Variants in JMY observed in about 807,000 individuals in gnomAD.
JMY encodes the protein junction mediating and regulatory protein, p53 cofactor, also known as junction-mediating and -regulatory protein.
A neutral mutation model predicts 103.3 loss-of-function variants in JMY; 46 were observed. The observed-to-expected ratio is 0.45, with a 90% confidence interval of 0.35 to 0.57. JMY has a LOEUF of 0.57. JMY is among the 20% of genes least tolerant of loss of function. The pLI is 0.00. For synonymous variants in JMY, 526 were observed against 489.3 expected (o/e 1.07, Z -0.99); for missense variants, 1,238 against 1,255.2 (o/e 0.99, Z 0.21).
rs1293788814 is a variant in JMY at position 79,274,404 on chromosome 5, TTG to T, written c.1033-3504_1033-3503del. Among the ~76,000 whole-genome samples, 6 of 143,006 alleles carry T rather than the reference TTG, an allele frequency of 4.2e-5. No individual in the cohort carries two copies. In the South Asian group the frequency reaches 6.3e-4, roughly 15 times the overall value. The allele number at this position is 143,006 out of a possible 152,430, so 93.8% of individuals were successfully genotyped here. On this transcript the variant is annotated intron_variant, in intron 1 of 10. Coordinates refer to ENST00000396137, the MANE Select transcript of JMY (RefSeq NM_152405.5). Reference sequence around the variant, plus strand: ...CTTTTTTTAAAAATAGTGTTTTTTTTTGTTTGTTTGTTTGTTTTTAATTGAGA... The same window carrying T: ...CTTTTTTTAAAAATAGTGTTTTTTTTTTTGTTTGTTTGTTTTTAATTGAGA...
chr5:79,278,400 T>C (rs1561301419), intron 2 of JMY, among the ~76,000 whole-genome samples: 1 of 151,822 alleles, frequency 6.6e-6, no homozygotes, highest in Non-Finnish European at 1.5e-5. Context: ...CTTCCTCCTC[T>C]AGTCATGTCT....
chr5:79,303,229 A>T (rs1446012487), intron 6 of JMY, among the ~76,000 whole-genome samples: 2 of 152,096 alleles, frequency 1.3e-5, no homozygotes, highest in African/African-American at 4.8e-5. Context: ...GGTGATTTTT[A>T]AAATATTTTA....
chr5:79,268,240 GTCTA>G (rs1207220511), intron 1 of JMY, among the ~76,000 whole-genome samples: 1 of 152,090 alleles, frequency 6.6e-6, no homozygotes, highest in Non-Finnish European at 1.5e-5. Flanking sequence ...GATCCTGCCT[GTCTA>G]TCTCTCAGTC....
chr5:79,272,368 G>A (rs1051462054), intron 1 of JMY, among the ~76,000 whole-genome samples: 6 of 151,880 alleles, frequency 4.0e-5, no homozygotes, highest in Non-Finnish European at 8.8e-5. Context: ...TATAATTCTT[G>A]ACAAGGTTGG....
Position 79,323,591 on chromosome 5 carries a change from C to G in JMY, c.*1989C>G, listed in dbSNP as rs986757890. ...CAGTTTTTACGTACCCATGTGTCAACATTTCATATATCCAGTTCTTTGGGT... is the reference window on the plus strand; with the variant it reads ...CAGTTTTTACGTACCCATGTGTCAAGATTTCATATATCCAGTTCTTTGGGT... On this transcript the variant is annotated 3_prime_UTR_variant, in exon 11 of 11. Transcript: ENST00000396137. 4.6e-5 allele frequency: 7 copies of G among 152,300 alleles called. No individual in the cohort carries two copies. The highest frequency in any genetic ancestry group is 2.6e-4 in the Admixed American group (4 of 15,280). The allele number at this position is 152,300 out of a possible 1,614,324, so 9.4% of individuals were successfully genotyped here. A position where few individuals can be genotyped will look rare whatever the true frequency, so the allele number is the denominator to read the frequency against.
chr5:79,276,828 A>G (rs954484470), intron 1 of JMY, among the ~76,000 whole-genome samples: 2 of 151,746 alleles, frequency 1.3e-5, no homozygotes, highest in African/African-American at 4.8e-5. Flanking sequence ...GATCATTTCA[A>G]TTACTGGACC....
chr5:79,247,524 C>G (rs1744938325), intron 1 of JMY, among the ~76,000 whole-genome samples: 1 of 151,958 alleles, frequency 6.6e-6, no homozygotes, highest in South Asian at 2.1e-4. Context: ...ACCATGTTGC[C>G]CATGCGGGTC....
Position 79,320,404 on chromosome 5 carries a change from G to C in JMY, c.*4-1202G>C, listed in dbSNP as rs1384974709. On this transcript the variant is annotated intron_variant, in intron 10 of 10. Transcript: ENST00000396137. ...AGCCAGGCTGGAGTGCAGTGGCGCC[G>C]TATTTGGCTCGCTGCAATCTCCATC... is the stretch of plus-strand genomic sequence containing the variant. Among the ~76,000 whole-genome samples, 3 of 151,286 alleles carry C rather than the reference G, an allele frequency of 2.0e-5. No homozygotes were observed. The East Asian group carries it at 5.8e-4, about 29-fold the overall frequency.
intron 1 of JMY, among the ~76,000 whole-genome samples, chr5:79,268,740 G>A (rs1045997676): frequency 7.9e-5 from 12 of 152,052 alleles, no homozygotes; most frequent in East Asian, 1.9e-4. Context: ...CACCCGCCTC[G>A]GCTTCCCAAA....
In JMY at chr5:79,322,570, A is replaced by G. The variant is rs886725046; in HGVS notation, c.*968A>G. ...TGAAAAGCATGTGCTCTACAAAGAT[A>G]GAAAGTAGAGACAAGTCTCCGTGGC... On this transcript the variant is annotated 3_prime_UTR_variant, in exon 11 of 11. Coordinates refer to ENST00000396137, the MANE Select transcript of JMY (RefSeq NM_152405.5). 6.6e-6 allele frequency: 1 copy of G among 152,224 alleles called. No individual in the cohort carries two copies. The highest frequency in any genetic ancestry group is 1.5e-5 in the Non-Finnish European group (1 of 68,032). 9.4% of individuals were successfully genotyped at this position (152,224 alleles called of 1,614,324 possible). A position where few individuals can be genotyped will look rare whatever the true frequency, so the allele number is the denominator to read the frequency against.
In JMY at chr5:79,322,456, A is replaced by C. The variant is rs1173130952; in HGVS notation, c.*854A>C. ...TGACTGACATGACTTTCCTATTGAG[A>C]ATCAAAAATCAAGATTCAATCATAG... On this transcript the variant is annotated 3_prime_UTR_variant, in exon 11 of 11. Transcript: ENST00000396137. 1.3e-5 allele frequency: 2 copies of C among 152,212 alleles called. No homozygotes were observed. The highest frequency in any genetic ancestry group is 4.8e-5 in the African/African-American group (2 of 41,452). The allele number at this position is 152,212 out of a possible 1,614,324, so 9.4% of individuals were successfully genotyped here.
intron 4 of JMY, among the ~76,000 whole-genome samples, chr5:79,298,003 C>T (rs780714528): frequency 1.7e-4 from 26 of 152,300 alleles, no homozygotes; most frequent in Middle Eastern, 3.4e-3. Context: ...GTACTGTTCT[C>T]TTTGTGGTTG....
At chr5:79,300,910 C>T (rs765325995) in intron 6 of JMY, 47 bp downstream of exon 6, 14 of 1,437,824 alleles carry the variant, frequency 9.7e-6, no homozygotes, top group Non-Finnish European at 1.2e-5. Flanking sequence ...TTATCCGTAT[C>T]TACTAATCTC....
intron 1 of JMY, among the ~76,000 whole-genome samples, chr5:79,276,141 T>C (rs914273130): frequency 6.6e-6 from 1 of 152,124 alleles, no homozygotes. Flanking sequence ...CCTTTTGAGA[T>C]GGAGTCTCAC....
chr5:79,236,911 G>A lies in JMY; in HGVS notation c.261G>A (p.Arg87=). Residue 87 remains arginine (R), a synonymous_variant, in exon 1 of 11, where the codon AGG becomes AGA. Transcript: ENST00000396137. The part of the protein sequence containing the change: ...GSRGPGSPAG[R]GRPEATASAT... ...GCGGGCCCGGCAGCCCGGCGGGCAG[G>A]GGTCGGCCCGAGGCCACTGCCTCTG... 1 of 1,359,188 alleles carries A rather than the reference G, an allele frequency of 7.4e-7. No homozygotes were observed. Among genetic ancestry groups the A allele is most frequent in the African/African-American group, 1.5e-5 (1 of 65,126 alleles). The allele number at this position is 1,359,188 out of a possible 1,614,324, so 84.2% of individuals were successfully genotyped here. A position where few individuals can be genotyped will look rare whatever the true frequency, so the allele number is the denominator to read the frequency against.
Position 79,284,080 on chromosome 5 carries a change from A to T in JMY, c.1206+5997A>T, listed in dbSNP as rs1273587003. On this transcript the variant is annotated intron_variant, in intron 2 of 10. Coordinates refer to ENST00000396137, the MANE Select transcript of JMY (RefSeq NM_152405.5). The stretch of plus-strand genomic sequence containing the variant: ...TTTTTTATTTTTTTATTTTATTTTT[A>T]TTTTTTTTCACAAATAGCACTTTTT... 13 of 1,148,280 alleles carry T rather than the reference A, an allele frequency of 1.1e-5. No individual in the cohort carries two copies. In the East Asian group the frequency reaches 1.6e-4, roughly 14 times the overall value. 71.1% of individuals were successfully genotyped at this position (1,148,280 alleles called of 1,614,324 possible). A position where few individuals can be genotyped will look rare whatever the true frequency, so the allele number is the denominator to read the frequency against.
intron 1 of JMY, among the ~76,000 whole-genome samples, chr5:79,261,574 G>T (rs919719478): frequency 1.3e-5 from 2 of 151,990 alleles, no homozygotes; most frequent in African/African-American, 4.8e-5. Flanking sequence ...ATAAAGTGCA[G>T]ATTCACTGGG....
At chr5:79,314,924 T>C in intron 9 of JMY, 73 bp downstream of exon 9, 1 of 1,368,272 alleles carries the variant, frequency 7.3e-7, no homozygotes, top group South Asian at 1.5e-5. Context: ...TTTTTTGACG[T>C]TGCAAAGCTT....
chr5:79,316,288 G>C lies in JMY; in HGVS notation c.2948G>C (p.Cys983Ser), dbSNP rs1747216296. The C allele has an allele frequency of 6.2e-7, 1 of 1,610,708 alleles. No individual in the cohort carries two copies. The highest frequency in any genetic ancestry group is 1.3e-5 in the African/African-American group (1 of 74,828). ...GAGGACGAAGAGGAGGCTTTACCTT[G>C]CACAGACTGGGAGAACTAACAAGTA... ...ESEDEEEALP[C>S]TDWEN Residue 983 changes from cysteine (C) to serine (S), a missense_variant, in exon 10 of 11, where the codon TGC becomes TCC. By Grantham distance (112) the Cys-to-Ser change is moderately radical. Transcript: ENST00000396137.
Sources: gnomAD v4.1 joint callset for allele counts (sites outside exome capture counted in the v4.1 genomes callset) on GRCh38, gnomAD v4.1.1 for gene constraint, MANE v1.5 for transcripts, NCBI Gene and HGNC (gene_info 2026-07-23, HGNC 2026-07-21) for gene names.